COG6: variants seen among roughly 807,000 people sequenced by gnomAD.
COG6 encodes the protein conserved oligomeric Golgi complex subunit 6.
In COG6, 74 loss-of-function variants were observed where a neutral mutation model predicts 88.8. The observed-to-expected ratio is 0.83, with a 90% CI of 0.69 to 1.01. COG6 has a LOEUF of 1.01. Among genes scored for constraint, COG6 ranks in the 50% least tolerant of loss-of-function variants. The probability of loss-of-function intolerance (pLI) is 0.00; values close to 1 mark genes in which losing one functional copy is unlikely to be tolerated. For synonymous variants in COG6, 286 were observed against 278.7 expected, an observed-to-expected ratio of 1.03 and a Z score of -0.26; for missense variants, 800 against 797.9, an observed-to-expected ratio of 1.00 and a Z score of -0.03.
At chr13:39,727,360 A>G (rs1879185411) in intron 17 of COG6, 109 bp from the exon 18 acceptor site, 3 of 808,510 alleles carry the variant, frequency 3.7e-6, no homozygotes, top group Admixed American at 3.6e-5. Flanking sequence ...AGTTATTTAG[A>G]GTATGGAATT....
At position 39,737,619 on chromosome 13, in the gene COG6, C is replaced by T. The variant is rs531653586; in HGVS notation, c.1826+10071C>T. The stretch of plus-strand genomic sequence containing the variant: ...CTACAAGCTGCATCACCTGGGGTTG[C>T]GGGAGGAGTGATGCAAGTACTCCCG... On this transcript the variant is annotated intron_variant, in intron 18 of 18. Coordinates refer to ENST00000455146, the MANE Select transcript of COG6 (RefSeq NM_020751.3). 1.1e-4 allele frequency among the ~76,000 whole-genome samples: 17 copies of T among 151,478 alleles called. No homozygotes were observed. The South Asian group carries it at 2.1e-3, about 19-fold the overall frequency.
At chr13:39,710,308 A>T (rs1228175252) in intron 13 of COG6, among the ~76,000 whole-genome samples, 2 of 152,030 alleles carry the variant, frequency 1.3e-5, no homozygotes, top group Non-Finnish European at 2.9e-5. Context: ...TCTAGTATAG[A>T]GTTGATTTTG....
At chr13:39,669,664 A>G (rs938564977) in intron 4 of COG6, among the ~76,000 whole-genome samples, 7 of 152,208 alleles carry the variant, frequency 4.6e-5, no homozygotes, top group Non-Finnish European at 1.5e-5. Context: ...TGGAGCTTGT[A>G]ATATGGGGCT....
At chr13:39,721,501 C>G (rs188191045) in intron 15 of COG6, among the ~76,000 whole-genome samples, 52 of 152,220 alleles carry the variant, frequency 3.4e-4, no homozygotes, top group Admixed American at 1.5e-3. Context: ...TCAGACCCCA[C>G]TGGCAGTCCC....
chr13:39,748,263 G>A (rs1273673052), intron 18 of COG6, among the ~76,000 whole-genome samples: 1 of 151,970 alleles, frequency 6.6e-6, no homozygotes, highest in African/African-American at 2.4e-5. Context: ...GCATTATTTT[G>A]TTACATTCAT....
chr13:39,661,453 C>T (rs911791297), intron 3 of COG6, among the ~76,000 whole-genome samples: 4 of 152,050 alleles, frequency 2.6e-5, no homozygotes, highest in East Asian at 1.9e-4. Context: ...ATTTTAACAG[C>T]GAATTTATAT....
At chr13:39,788,929 T>A (rs1350542193) in exon 19 of COG6, 1 of 153,000 alleles carries the variant, frequency 6.5e-6, no homozygotes, top group East Asian at 1.9e-4. Context: ...TCACTTGTAC[T>A]TGTTGGTTTT....
chr13:39,656,593 A>G (rs1014988195), intron 1 of COG6, among the ~76,000 whole-genome samples: 2 of 152,158 alleles, frequency 1.3e-5, no homozygotes, highest in Non-Finnish European at 2.9e-5. Context: ...TGGTCATGAC[A>G]GTGTAACATA....
intron 5 of COG6, among the ~76,000 whole-genome samples, chr13:39,677,892 A>G (rs1333784320): frequency 1.3e-5 from 2 of 152,092 alleles, no homozygotes; most frequent in Admixed American, 6.6e-5. Flanking sequence ...ATCTATAGTT[A>G]AAAAGAATAT....
In COG6 at chr13:39,684,243, A is replaced by ATTTTTTTTTTTTTTTTTTTTTT. The variant is rs1203671335; in HGVS notation, c.788+1983_788+2004dup. Reference sequence around the variant, plus strand: ...GGGGGCAGTAATGGCAATTTGGAAGATTTTTTTTTTTTTTTTTTTTTTTTT... The same window carrying ATTTTTTTTTTTTTTTTTTTTTT: ...GGGGGCAGTAATGGCAATTTGGAAGATTTTTTTTTTTTTTTTTTTTTTTTTTTTTTTTTTTTTTTTTTTTTTT... On this transcript the variant is annotated intron_variant, in intron 8 of 18. Coordinates refer to ENST00000455146, the MANE Select transcript of COG6 (RefSeq NM_020751.3). Among the ~76,000 whole-genome samples, 13 of 67,388 alleles carry ATTTTTTTTTTTTTTTTTTTTTT rather than the reference A, an allele frequency of 1.9e-4. 4 individuals are homozygous for ATTTTTTTTTTTTTTTTTTTTTT. Among genetic ancestry groups the ATTTTTTTTTTTTTTTTTTTTTT allele is most frequent in the Non-Finnish European group, 3.3e-4 (13 of 39,242 alleles). The allele number at this position is 67,388 out of a possible 152,430, so 44.2% of individuals were successfully genotyped here.
At chr13:39,718,161 T>G (rs1878635077) in intron 13 of COG6, among the ~76,000 whole-genome samples, 1 of 152,172 alleles carries the variant, frequency 6.6e-6, no homozygotes, top group African/African-American at 2.4e-5. Flanking sequence ...TATTTTCTTG[T>G]TTGCTTGCAT....
intron 18 of COG6, among the ~76,000 whole-genome samples, chr13:39,784,824 T>TACC: frequency 6.6e-6 from 1 of 151,838 alleles, no homozygotes; most frequent in East Asian, 1.9e-4. Context: ...GCTCCCAGAG[T>TACC]ATGGGTGCTG....
intron 13 of COG6, among the ~76,000 whole-genome samples, chr13:39,715,977 T>C (rs1200120211): frequency 6.6e-6 from 1 of 152,052 alleles, no homozygotes; most frequent in East Asian, 1.9e-4. Flanking sequence ...GAAGTAGGAA[T>C]GATAAATAGA....
chr13:39,775,126 G>T (rs1881426361), intron 18 of COG6, among the ~76,000 whole-genome samples: 1 of 152,188 alleles, frequency 6.6e-6, no homozygotes, highest in Non-Finnish European at 1.5e-5. Context: ...ATGGGTGGGT[G>T]TGTCTGCTCG....
chr13:39,700,749 T>C (rs1469721816), intron 13 of COG6, among the ~76,000 whole-genome samples: 1 of 151,886 alleles, frequency 6.6e-6, no homozygotes, highest in Non-Finnish European at 1.5e-5. Flanking sequence ...TATAGAATTC[T>C]ATGATTTATG....
downstream of COG6, among the ~76,000 whole-genome samples, chr13:39,754,036 A>G (rs1242694429): frequency 6.6e-6 from 1 of 152,146 alleles, no homozygotes; most frequent in East Asian, 1.9e-4. Context: ...TTGAACTCTC[A>G]GTGTCATTCT....
rs538028772 is a variant in COG6 at position 39,750,710 on chromosome 13, C to G, written c.1827-236C>G. Among the ~76,000 whole-genome samples, 79 of 152,212 alleles carry G rather than the reference C, an allele frequency of 5.2e-4. 1 individual carries two copies. On this transcript the variant is annotated intron_variant, in intron 18 of 18. Transcript: ENST00000455146. ...TATATATCAGGAACAAAACACAGTC[C>G]ATGCCCTCTGCAACCTATATAGTAA...
chr13:39,704,883 T>C (rs1225369118), intron 13 of COG6, among the ~76,000 whole-genome samples: 1 of 152,200 alleles, frequency 6.6e-6, no homozygotes, highest in Admixed American at 6.5e-5. Context: ...TTCTCAGATA[T>C]GAACTGGGCC....
intron 3 of COG6, 75 bp from the exon 4 acceptor site, chr13:39,665,021 G>C: frequency 4.0e-6 from 3 of 757,276 alleles, no homozygotes; most frequent in Non-Finnish European, 7.1e-6. Flanking sequence ...CTAAATTGCA[G>C]TAAGTGGTAG....
Sources: gnomAD v4.1 joint callset for allele counts (sites outside exome capture counted in the v4.1 genomes callset) on GRCh38, gnomAD v4.1.1 for gene constraint, MANE v1.5 for transcripts, NCBI Gene and HGNC (gene_info 2026-07-23, HGNC 2026-07-21) for gene names.